EXOC3L4: variants seen among roughly 807,000 people sequenced by gnomAD.
The protein encoded by EXOC3L4 is exocyst complex component 3-like protein 4.
EXOC3L4 carries 62 observed loss-of-function variants against 69.7 expected under a neutral mutation model. The observed-to-expected ratio is 0.89, with a 90% CI of 0.72 to 1.10. The LOEUF is 1.10. Among genes scored for constraint, EXOC3L4 ranks in the 50% least tolerant of loss-of-function variants. The pLI is 0.00. For missense variants in EXOC3L4, 1,087 were observed against 1,034.8 expected, an observed-to-expected ratio of 1.05 and a Z score of -0.69; for synonymous variants, 502 against 464.2, an observed-to-expected ratio of 1.08 and a Z score of -1.05.
In EXOC3L4 at chr14:103,110,013, G is replaced by A. The variant is rs1406355031; in HGVS notation, c.1977-18G>A. On this transcript the variant is annotated intron_variant, in intron 11 of 11. Coordinates refer to ENST00000688303, the MANE Select transcript of EXOC3L4 (RefSeq NM_001077594.2). ...GCGGAGGTGTAGGTCTGCAGTGAGT[G>A]CCCGCATGTCTCTGCAGGCGGGACC... The A allele has an allele frequency of 3.8e-6, 6 of 1,574,996 alleles. No homozygotes were observed. Among genetic ancestry groups the A allele is most frequent in the Non-Finnish European group, 5.2e-6 (6 of 1,162,102 alleles).
At chr14:103,099,380 C>G (rs1226776987) in intron 1 of EXOC3L4, among the ~76,000 whole-genome samples, 1 of 152,204 alleles carries the variant, frequency 6.6e-6, no homozygotes, top group Non-Finnish European at 1.5e-5. Flanking sequence ...TCAGCCACCC[C>G]CATGTCCCTG....
intron 10 of EXOC3L4, 24 bp from the exon 11 acceptor site, chr14:103,108,372 G>A (rs1197480647): frequency 6.2e-7 from 1 of 1,610,006 alleles, no homozygotes; most frequent in Non-Finnish European, 8.5e-7. Context: ...GGCTGTTGGG[G>A]CAGGCGGTGG....
rs1438956673 is a variant in EXOC3L4, at chr14:103,104,367, C to T, written c.1262C>T (p.Pro421Leu). 2 of 1,585,262 alleles carry T rather than the reference C, an allele frequency of 1.3e-6. No individual in the cohort carries two copies. The highest frequency in any genetic ancestry group is 1.4e-5 in the African/African-American group (1 of 73,714). The change falls in exon 5 of 12, where the codon CCG becomes CTG. Residue 421 changes from proline to leucine, a missense_variant. Pro to Leu is a moderately conservative substitution (Grantham distance 98). Transcript: ENST00000688303. ...PEVLQGLYQAPLSMDVHMLVA... is the reference protein window; with the variant it reads ...PEVLQGLYQALLSMDVHMLVA... The stretch of plus-strand genomic sequence containing the variant: ...GTGCTGCAGGGCCTCTACCAGGCGC[C>T]GCTGTCCATGGACGTCCATATGGTG...
intron 11 of EXOC3L4, among the ~76,000 whole-genome samples, 175 bp downstream of exon 11, chr14:103,108,692 TTCTCCTAA>T (rs1890726197): frequency 6.6e-6 from 1 of 152,082 alleles, no homozygotes; most frequent in Non-Finnish European, 1.5e-5. Flanking sequence ...AGAGAGCCCC[TTCTCCTAA>T]TCTGCTCTTG....
In EXOC3L4 at chr14:103,107,700, C is replaced by T. The variant is rs902489139; in HGVS notation, c.1771C>T (p.Arg591Trp). Residue 591 changes from arginine to tryptophan, a missense_variant, in exon 10 of 12, where the codon CGG becomes TGG. Transcript: ENST00000688303. ...GGCGCGGGCGCTGAGGCCACGGGAG[C>T]GGTTCCGGGGCATGGAGCGCATGCA... ...YLARALRPRE[R>W]FRGMERMHGS... 9 of 1,554,518 alleles carry T rather than the reference C, an allele frequency of 5.8e-6. No homozygotes were observed. The highest frequency in any genetic ancestry group is 2.7e-5 in the African/African-American group (2 of 73,542).
At chr14:103,107,352 C>T in intron 8 of EXOC3L4, 72 bp from the exon 9 acceptor site, 2 of 1,568,508 alleles carry the variant, frequency 1.3e-6, no homozygotes, top group Admixed American at 1.7e-5. Flanking sequence ...GAGTGGCACA[C>T]TGGGCTTCGA....
chr14:103,104,698 G>A (rs1890432674), intron 5 of EXOC3L4, 40 bp from the exon 6 acceptor site: 1 of 1,436,746 alleles, frequency 7.0e-7, no homozygotes, highest in Non-Finnish European at 9.1e-7. Context: ...CCTCAGGTCG[G>A]GGGCTGGGAG....
At position 103,108,477 on chromosome 14, in the gene EXOC3L4, C is replaced by T. The variant is rs549171249; in HGVS notation, c.1936C>T (p.Arg646Trp). ...CGAGACCTACAAAGATGACATCCAG[C>T]GGCACCTGGAGACTCTTATCCGGAG... ...LGETYKDDIQ[R>W]HLETLIRSYP... The change falls in exon 11 of 12, where the codon CGG (arginine) becomes TGG (tryptophan). Residue 646 changes from arginine to tryptophan, a missense_variant. By Grantham distance (101) the Arg-to-Trp change is moderately radical. Coordinates refer to ENST00000688303, the MANE Select transcript of EXOC3L4 (RefSeq NM_001077594.2). 12 of 1,613,942 alleles carry T rather than the reference C, an allele frequency of 7.4e-6. No homozygotes were observed. The highest frequency in any genetic ancestry group is 3.3e-5 in the South Asian group (3 of 91,080).
intron 5 of EXOC3L4, 89 bp downstream of exon 5, chr14:103,104,478 C>T (rs1429591522): frequency 7.1e-7 from 1 of 1,402,188 alleles, no homozygotes; most frequent in East Asian, 2.8e-5. Flanking sequence ...CCTATCCAGT[C>T]CCAACCAACC....
Position 103,104,844 on chromosome 14 carries a change from G to A in EXOC3L4, c.1385+6G>A. ...CTCGGCCTCTTCGTGCCCAGGTGCG[G>A]ACGCATCCTCAGTAGGGGAGCGACC... On this transcript the variant is annotated splice_donor_region_variant and intron_variant, in intron 6 of 11. Transcript: ENST00000688303. The A allele has an allele frequency of 6.6e-7, 1 of 1,508,750 alleles. No individual in the cohort carries two copies. The highest frequency in any genetic ancestry group is 1.4e-5 in the African/African-American group (1 of 71,932). The allele number at this position is 1,508,750 out of a possible 1,614,324, so 93.5% of individuals were successfully genotyped here. A position where few individuals can be genotyped will look rare whatever the true frequency, so the allele number is the denominator to read the frequency against.
intron 3 of EXOC3L4, among the ~76,000 whole-genome samples, chr14:103,103,368 A>AAAAAAG (rs1358354757): frequency 2.1e-4 from 30 of 146,204 alleles, no homozygotes; most frequent in African/African-American, 6.5e-4. Context: ...AAAAAAAAAA[A>AAAAAAG]AAAGAAAGAA....
In EXOC3L4 at chr14:103,102,586, G is replaced by A; in HGVS notation, c.863G>A (p.Arg288His). 1 of 1,470,166 alleles carries A rather than the reference G, an allele frequency of 6.8e-7. No individual in the cohort carries two copies. The highest frequency in any genetic ancestry group is 9.0e-7 in the Non-Finnish European group (1 of 1,114,142). 91.1% of individuals were successfully genotyped at this position (1,470,166 alleles called of 1,614,324 possible). The change falls in exon 3 of 12, where the codon CGC (arginine) becomes CAC (histidine). Residue 288 changes from arginine to histidine, a missense_variant. By Grantham distance (29) the Arg-to-His change is conservative (BLOSUM62 0). Coordinates refer to ENST00000688303, the MANE Select transcript of EXOC3L4 (RefSeq NM_001077594.2). ...GCCGAGCTGGGTGGCTTGGTTCGCC[G>A]CGACCTGCAGAAGGTGCGGCAGGAG... ...LLAELGGLVR[R>H]DLQKVRQEVQ...
chr14:103,107,362 A>G (rs1890617920), intron 8 of EXOC3L4, 62 bp from the exon 9 acceptor site: 7 of 1,579,472 alleles, frequency 4.4e-6, no homozygotes, highest in Non-Finnish European at 6.0e-6. Flanking sequence ...CTGGGCTTCG[A>G]GGGAGGGGTT....
In EXOC3L4 at chr14:103,104,007, G is replaced by A. The variant is rs377657513; in HGVS notation, c.1116G>A (p.Pro372=). 6.3e-7 allele frequency: 1 copy of A among 1,577,714 alleles called. No homozygotes were observed. Among genetic ancestry groups the A allele is most frequent in the Non-Finnish European group, 8.6e-7 (1 of 1,166,868 alleles). The part of the protein sequence containing the change: ...PAEPLPPLLA[P]DVWARLESDY... ...AGCCGCTGCCTCCGCTCCTGGCGCC[G>A]GACGTGTGGGCCCGACTGGAGAGCG... The change falls in exon 4 of 12, where the codon CCG becomes CCA. Residue 372 remains proline (P), a synonymous_variant. Coordinates refer to ENST00000688303, the MANE Select transcript of EXOC3L4 (RefSeq NM_001077594.2).
At chr14:103,100,685 T>C in intron 2 of EXOC3L4, 72 bp downstream of exon 2, 1 of 1,482,440 alleles carries the variant, frequency 6.7e-7, no homozygotes, top group Non-Finnish European at 9.0e-7. Flanking sequence ...AGCTGAGGTT[T>C]CCGGAAAGGC....
chr14:103,108,495 A>C lies in EXOC3L4; in HGVS notation c.1954A>C (p.Ile652Leu). The C allele has an allele frequency of 7.4e-6, 12 of 1,613,878 alleles. No homozygotes were observed. Among genetic ancestry groups the C allele is most frequent in the Admixed American group, 3.3e-5 (2 of 60,008 alleles). Residue 652 changes from isoleucine (I) to leucine (L), a missense_variant, in exon 11 of 12, where the codon ATC becomes CTC. By Grantham distance (5) the Ile-to-Leu change is conservative (BLOSUM62 2). Coordinates refer to ENST00000688303, the MANE Select transcript of EXOC3L4 (RefSeq NM_001077594.2). ...CATCCAGCGGCACCTGGAGACTCTTATCCGGAGCTACCCCGACATCAGGTG... is the reference window on the plus strand; with the variant it reads ...CATCCAGCGGCACCTGGAGACTCTTCTCCGGAGCTACCCCGACATCAGGTG... Reference protein sequence around the residue: ...DDIQRHLETLIRSYPDIRRDH... With the variant: ...DDIQRHLETLLRSYPDIRRDH...
chr14:103,107,354 G>A, intron 8 of EXOC3L4, 70 bp from the exon 9 acceptor site: 4 of 1,570,226 alleles, frequency 2.5e-6, no homozygotes, highest in Non-Finnish European at 3.5e-6. Context: ...GTGGCACACT[G>A]GGCTTCGAGG....
intron 11 of EXOC3L4, among the ~76,000 whole-genome samples, chr14:103,108,908 C>T (rs529543053): frequency 1.3e-5 from 2 of 152,180 alleles, no homozygotes; most frequent in South Asian, 2.1e-4. Flanking sequence ...GAAATCCCAG[C>T]TCGAATCTCT....
chr14:103,110,141 G>A lies in EXOC3L4; in HGVS notation c.2087G>A (p.Gly696Asp). Residue 696 changes from glycine (G) to aspartate (D), a missense_variant, in exon 12 of 12, where the codon GGT becomes GAT. Coordinates refer to ENST00000688303, the MANE Select transcript of EXOC3L4 (RefSeq NM_001077594.2). ...DLLRAAAGAAGAEAPRGRVLF... is the reference protein window; with the variant it reads ...DLLRAAAGAADAEAPRGRVLF... ...CTGAGAGCTGCGGCCGGGGCGGCGG[G>A]TGCGGAGGCCCCTCGGGGCCGCGTG... 1.3e-6 allele frequency: 2 copies of A among 1,550,744 alleles called. No individual in the cohort carries two copies. Among genetic ancestry groups the A allele is most frequent in the Non-Finnish European group, 1.7e-6 (2 of 1,147,262 alleles).
Sources: allele counts gnomAD v4.1 joint callset (sites outside exome capture counted in the v4.1 genomes callset), GRCh38; gene constraint gnomAD v4.1.1; transcripts MANE v1.5; gene names NCBI Gene and HGNC (gene_info 2026-07-23, HGNC 2026-07-21).